Variants in CEP63 observed in about 807,000 individuals in gnomAD.
CEP63 encodes centrosomal protein 63.
A neutral mutation model predicts 89.1 loss-of-function variants in CEP63; 84 were observed. That is an observed-to-expected ratio of 0.94 (90% CI 0.79 to 1.13). The LOEUF (loss-of-function observed/expected upper bound fraction) is 1.13. Ranked by LOEUF, CEP63 falls within the 50% of genes most tolerant of loss-of-function variation. The probability of loss-of-function intolerance (pLI) is 0.00; values close to 1 mark genes in which losing one functional copy is unlikely to be tolerated. For missense variants in CEP63, 838 were observed against 813.3 expected, an observed-to-expected ratio of 1.03 and a Z score of -0.37; for synonymous variants, 267 against 272.5, an observed-to-expected ratio of 0.98 and a Z score of 0.20.
chr3:134,564,946 G>T lies in CEP63; in HGVS notation c.*3411G>T. The T allele has an allele frequency of 4.1e-6, 4 of 982,398 alleles. No homozygotes were observed. Among genetic ancestry groups the T allele is most frequent in the Non-Finnish European group, 4.8e-6 (4 of 827,158 alleles). 60.9% of individuals were successfully genotyped at this position (982,398 alleles called of 1,614,324 possible). A position where few individuals can be genotyped will look rare whatever the true frequency, so the allele number is the denominator to read the frequency against. Reference sequence around the variant, plus strand: ...AATAGTTAATGGGTTGTCCAAATTTGTCAGAACATTTGACTGTAATTTAAT... The same window carrying T: ...AATAGTTAATGGGTTGTCCAAATTTTTCAGAACATTTGACTGTAATTTAAT... On this transcript the variant is annotated 3_prime_UTR_variant, in exon 15 of 15. Transcript: ENST00000675561.
chr3:134,549,439 T>A (rs987215499), intron 10 of CEP63, among the ~76,000 whole-genome samples: 24 of 152,194 alleles, frequency 1.6e-4, no homozygotes, highest in African/African-American at 5.8e-4. Context: ...AAACATGTTT[T>A]GATGAAAAGT....
At chr3:134,670,111 C>T in the CEP63 span, among the ~76,000 whole-genome samples, 1 of 152,290 alleles carries the variant, frequency 6.6e-6, no homozygotes, top group East Asian at 1.9e-4. Flanking sequence ...GACTTTCAGC[C>T]TCTAGAACTA....
intron 10 of CEP63, among the ~76,000 whole-genome samples, chr3:134,586,353 G>A (rs1958484965): frequency 6.6e-6 from 1 of 151,742 alleles, no homozygotes; most frequent in Non-Finnish European, 1.5e-5. Context: ...TCCATGTTTA[G>A]TGCTTCCTTC....
chr3:134,777,944 TC>T, the CEP63 span, among the ~76,000 whole-genome samples: 3 of 151,888 alleles, frequency 2.0e-5, no homozygotes, highest in African/African-American at 7.3e-5. Context: ...AAATTATTTT[TC>T]TGGAGGAAAT....
the CEP63 span, chr3:134,647,373 A>G: frequency 5.4e-6 from 7 of 1,306,340 alleles, no homozygotes; most frequent in East Asian, 4.8e-5. Flanking sequence ...GTGAAACCCA[A>G]TTCTTCCAGT....
intron 3 of CEP63, among the ~76,000 whole-genome samples, chr3:134,526,542 GTA>G (rs1209719899): frequency 6.6e-6 from 1 of 152,066 alleles, no homozygotes; most frequent in Non-Finnish European, 1.5e-5. Context: ...CTGGGTTTCA[GTA>G]TACTCCTGTA....
the CEP63 span, among the ~76,000 whole-genome samples, chr3:134,665,652 GACACACACACACAC>G: frequency 8.8e-3 from 847 of 95,772 alleles, 6 homozygotes; most frequent in African/African-American, 0.013. Flanking sequence ...GGAAACAGAG[GACACACACACACAC>G]ACACACACAC....
chr3:134,558,583 G>C (rs918489625), intron 13 of CEP63, among the ~76,000 whole-genome samples: 2 of 152,120 alleles, frequency 1.3e-5, no homozygotes, highest in African/African-American at 2.4e-5. Context: ...GTGTAAACAA[G>C]ATGTGTATTA....
chr3:134,586,289 G>A (rs865820692), intron 10 of CEP63, among the ~76,000 whole-genome samples: 40 of 152,122 alleles, frequency 2.6e-4, no homozygotes, highest in Non-Finnish European at 4.4e-4. Flanking sequence ...TTATAGCATC[G>A]ATGGTCTTTA....
the CEP63 span, among the ~76,000 whole-genome samples, chr3:134,647,201 C>G: frequency 6.6e-6 from 1 of 152,226 alleles, no homozygotes; most frequent in African/African-American, 2.4e-5. Flanking sequence ...AATGGGTGCT[C>G]AAGTTCCTGG....
the CEP63 span, among the ~76,000 whole-genome samples, chr3:134,740,096 C>T: frequency 1.3e-5 from 2 of 151,998 alleles, no homozygotes; most frequent in South Asian, 4.1e-4. Flanking sequence ...GTATCTGAGG[C>T]TCAGATCGCC....
At chr3:134,621,285 CATTTG>C in the CEP63 span, among the ~76,000 whole-genome samples, 1 of 152,172 alleles carries the variant, frequency 6.6e-6, no homozygotes, top group African/African-American at 2.4e-5. Context: ...AAAAAGAACA[CATTTG>C]AAGGACACAA....
chr3:134,753,888 C>T, the CEP63 span, among the ~76,000 whole-genome samples: 1 of 15,158 alleles, frequency 6.6e-5, no homozygotes, highest in African/African-American at 7.1e-5. Context: ...GTGTGGGACA[C>T]AAACGTGTAA....
downstream of CEP63, among the ~76,000 whole-genome samples, chr3:134,589,097 G>A (rs1229267022): frequency 2.0e-5 from 3 of 152,124 alleles, no homozygotes; most frequent in East Asian, 5.8e-4. Flanking sequence ...AGGCTCAGAT[G>A]GCTTCATCAG....
chr3:134,685,417 G>A, the CEP63 span, among the ~76,000 whole-genome samples: 1 of 152,236 alleles, frequency 6.6e-6, no homozygotes, highest in East Asian at 1.9e-4. Context: ...CCTTGTATGG[G>A]ATTCTTATGT....
chr3:134,535,946 CT>C (rs1950691721), intron 5 of CEP63: 1 of 152,234 alleles, frequency 6.6e-6, no homozygotes, highest in African/African-American at 2.4e-5. Context: ...CCAGTTATCT[CT>C]CTTACCTTGT....
intron 10 of CEP63, among the ~76,000 whole-genome samples, chr3:134,582,353 C>T (rs182333482): frequency 3.7e-3 from 562 of 152,110 alleles, no homozygotes; most frequent in African/African-American, 0.013. Context: ...CTACAGGCCC[C>T]AGTGTGTGAT....
chr3:134,642,670 C>A, the CEP63 span, among the ~76,000 whole-genome samples: 1 of 152,198 alleles, frequency 6.6e-6, no homozygotes, highest in African/African-American at 2.4e-5. Flanking sequence ...TGGGAAGGCT[C>A]AGTCTCAGCA....
intron 1 of CEP63, among the ~76,000 whole-genome samples, chr3:134,490,531 C>T (rs1211334117): frequency 6.6e-6 from 1 of 151,670 alleles, no homozygotes; most frequent in Non-Finnish European, 1.5e-5. Context: ...GTATAGTTAG[C>T]CTATCAAGTT....
Sources: allele counts gnomAD v4.1 joint callset (sites outside exome capture counted in the v4.1 genomes callset), GRCh38; gene constraint gnomAD v4.1.1; transcripts MANE v1.5; gene names NCBI Gene and HGNC (gene_info 2026-07-23, HGNC 2026-07-21).